KAZN: variants seen among roughly 807,000 people sequenced by gnomAD.
The protein encoded by KAZN is kazrin, periplakin interacting protein.
A neutral mutation model predicts 87.4 loss-of-function variants in KAZN; 40 were observed. The ratio of observed to expected loss-of-function variants is 0.46; its 90% confidence interval spans 0.36 to 0.60. The LOEUF (loss-of-function observed/expected upper bound fraction) is 0.60, where lower values mean the gene tolerates loss of function less well. Ranked by LOEUF, KAZN falls within the 20% of genes least tolerant of loss-of-function variation. The pLI is 0.00. For missense variants in KAZN, 898 were observed against 1,073.9 expected (o/e 0.84, Z 2.29); for synonymous variants, 466 against 458.3 (o/e 1.02, Z -0.22).
rs755211666 is a variant in KAZN at position 14,492,077 on chromosome 1, C to T, written c.250-106906C>T. On this transcript the variant is annotated intron_variant, in intron 2 of 16. Coordinates refer to the KAZN transcript ENST00000636203. ...TGTGCTGGAAGGGGTACATTCAAAC[C>T]CAGTCTGAACTGGCCACTGCTGTGA... 2.6e-4 allele frequency among the ~76,000 whole-genome samples: 40 copies of T among 152,260 alleles called. 2 individuals are homozygous for T. The highest frequency in any genetic ancestry group is 6.8e-3 in the Middle Eastern group (2 of 294).
chr1:14,189,778 C>T (rs1420978138), intron 2 of KAZN, among the ~76,000 whole-genome samples: 1 of 152,146 alleles, frequency 6.6e-6, no homozygotes, highest in Non-Finnish European at 1.5e-5. Flanking sequence ...GAGAAGTTAT[C>T]ACCAAGAGGT....
intron 8 of KAZN, among the ~76,000 whole-genome samples, chr1:15,089,067 T>C (rs543522855): frequency 2.8e-4 from 43 of 152,174 alleles, no homozygotes; most frequent in Non-Finnish European, 5.0e-4. Flanking sequence ...TTATCCCCTC[T>C]CTGACCTCGA....
chr1:14,049,729 A>T (rs17353495), intron 1 of KAZN, among the ~76,000 whole-genome samples: 5,620 of 151,810 alleles, frequency 0.037, 159 homozygotes, highest in Non-Finnish European at 0.058. Flanking sequence ...ACTGATGTTG[A>T]CGGAGATTTT....
intron 2 of KAZN, among the ~76,000 whole-genome samples, chr1:15,009,366 G>T (rs192022095): frequency 6.6e-6 from 1 of 152,292 alleles, no homozygotes; most frequent in Non-Finnish European, 1.5e-5. Flanking sequence ...TCAGGTAAGC[G>T]CCATCCCAGC....
At chr1:14,164,554 T>A (rs112535569) in intron 1 of KAZN, among the ~76,000 whole-genome samples, 2 of 147,020 alleles carry the variant, frequency 1.4e-5, no homozygotes, top group East Asian at 3.9e-4. Flanking sequence ...TTTTTTTTTT[T>A]TTTGAGATGG....
At chr1:14,411,885 G>A (rs1055969368) in intron 2 of KAZN, among the ~76,000 whole-genome samples, 1 of 152,128 alleles carries the variant, frequency 6.6e-6, no homozygotes, top group Non-Finnish European at 1.5e-5. Context: ...CAGAAGCAGA[G>A]GTACTGATTA....
intron 1 of KAZN, among the ~76,000 whole-genome samples, chr1:13,943,458 T>A (rs1009732): frequency 0.82 from 123,345 of 150,266 alleles, 50,192 homozygotes; most frequent in South Asian, 0.93. Context: ...AAAAATTTTT[T>A]AAAAAAAATA....
chr1:13,978,590 G>A (rs1046722780), intron 1 of KAZN, among the ~76,000 whole-genome samples: 11 of 151,698 alleles, frequency 7.3e-5, no homozygotes, highest in African/African-American at 1.2e-4. Context: ...ATTAGACACA[G>A]TAAATATGAC....
At chr1:14,896,698 A>G (rs2101213800) in intron 1 of KAZN, among the ~76,000 whole-genome samples, 1 of 152,270 alleles carries the variant, frequency 6.6e-6, no homozygotes, top group Non-Finnish European at 1.5e-5. Context: ...CAAGAGAGGA[A>G]CTTTGGAAGA....
intron 1 of KAZN, among the ~76,000 whole-genome samples, chr1:14,049,398 A>G (rs577951784): frequency 1.3e-5 from 2 of 152,340 alleles, no homozygotes; most frequent in South Asian, 4.1e-4. Context: ...GCACACCAGC[A>G]TGGCACATAT....
intron 1 of KAZN, among the ~76,000 whole-genome samples, chr1:14,671,888 G>A (rs917144450): frequency 6.6e-6 from 1 of 152,124 alleles, no homozygotes; most frequent in African/African-American, 2.4e-5. Flanking sequence ...TGGATTCAAA[G>A]GGCCTCTTTT....
chr1:14,241,780 C>T (rs1648956883), intron 2 of KAZN, among the ~76,000 whole-genome samples: 7 of 152,214 alleles, frequency 4.6e-5, no homozygotes, highest in Admixed American at 4.6e-4. Flanking sequence ...CTGAAAGAAA[C>T]TTTGAATTGC....
At chr1:14,598,397 C>T (rs1676649692), upstream of KAZN, among the ~76,000 whole-genome samples, 1 of 152,162 alleles carries the variant, frequency 6.6e-6, no homozygotes, top group African/African-American at 2.4e-5. This position sits in a 1 kb window ranked among gnomAD's most constrained non-coding sequence, Gnocchi z 4.2. Context: ...CCTCCCCAAC[C>T]TTAGCACGGC....
At position 14,960,672 on chromosome 1, in the gene KAZN, C is replaced by A; in HGVS notation, c.227-12C>A. 6.4e-7 allele frequency: 1 copy of A among 1,557,548 alleles called. No individual in the cohort carries two copies. Among genetic ancestry groups the A allele is most frequent in the Non-Finnish European group, 8.7e-7 (1 of 1,149,902 alleles). ...CGTTCCTGTCCTCTAACCCTGTGCC[C>A]TTCTCCCCTAGTGCTCCTGCGGGAA... On this transcript the variant is annotated splice_polypyrimidine_tract_variant and intron_variant, in intron 1 of 14. Transcript: ENST00000376030.
intron 1 of KAZN, among the ~76,000 whole-genome samples, chr1:13,927,984 A>C (rs1640351483): frequency 6.6e-6 from 1 of 152,224 alleles, no homozygotes; most frequent in African/African-American, 2.4e-5. Context: ...CAAGGAACAG[A>C]AAAGAGAGCC....
intron 2 of KAZN, among the ~76,000 whole-genome samples, chr1:14,240,703 G>T (rs1166160802): frequency 1.3e-5 from 2 of 152,206 alleles, no homozygotes; most frequent in Non-Finnish European, 2.9e-5. Flanking sequence ...TGGGCCTTTT[G>T]TCCAAATCTG....
intron 1 of KAZN, among the ~76,000 whole-genome samples, chr1:14,658,572 A>G (rs1270316911): frequency 6.6e-6 from 1 of 152,178 alleles, no homozygotes; most frequent in Admixed American, 6.5e-5. Context: ...AAGTCTTTTG[A>G]GAATCTGATA....
At chr1:14,224,890 A>T (rs566522461) in intron 2 of KAZN, among the ~76,000 whole-genome samples, 8 of 152,304 alleles carry the variant, frequency 5.3e-5, no homozygotes, top group African/African-American at 1.7e-4. Context: ...TTTCAAAGCA[A>T]AGTGAATATA....
At chr1:14,069,515 G>T (rs543643911) in intron 1 of KAZN, among the ~76,000 whole-genome samples, 2 of 152,248 alleles carry the variant, frequency 1.3e-5, no homozygotes. Context: ...CATCTTTTCT[G>T]TACAAATAAA....
Sources: gnomAD v4.1 joint callset for allele counts (sites outside exome capture counted in the v4.1 genomes callset) on GRCh38, gnomAD v4.1.1 for gene constraint, Gnocchi (gnomAD v3.1) non-coding constraint, MANE v1.5 for transcripts, NCBI Gene and HGNC (gene_info 2026-07-23, HGNC 2026-07-21) for gene names.